The following TMEM116 variants were observed in gnomAD, a reference collection of about 807,000 sequenced individuals.
TMEM116 encodes the protein transmembrane protein 116.
Under a neutral mutation model 44.3 loss-of-function variants are expected in TMEM116, and 38 were observed. The ratio of observed to expected loss-of-function variants is 0.86; its 90% CI spans 0.66 to 1.12. The LOEUF is 1.12. Among genes scored for constraint, TMEM116 ranks in the 50% most tolerant of loss-of-function variants. The probability of loss-of-function intolerance (pLI) is 0.00; values close to 1 mark genes in which losing one functional copy is unlikely to be tolerated. For synonymous variants in TMEM116, 132 were observed against 144.8 expected (o/e 0.91, Z 0.64); for missense variants, 354 against 401.7 (o/e 0.88, Z 1.01).
Position 111,940,926 on chromosome 12 carries a change from G to A in TMEM116, c.315+2339C>T, listed in dbSNP as rs116131603. On this transcript the variant is annotated intron_variant, in intron 5 of 10. Coordinates refer to ENST00000552374, the MANE Select transcript of TMEM116 (RefSeq NM_001193531.2). Reference sequence around the variant, plus strand: ...AATAAAAACTTGAAATGCTATCCCTGTAAGGCTGCTGGACTTTTTAGACAT... The same window carrying A: ...AATAAAAACTTGAAATGCTATCCCTATAAGGCTGCTGGACTTTTTAGACAT... Among the ~76,000 whole-genome samples the A allele has an allele frequency of 2.4e-3, 367 of 152,190 alleles. 1 individual carries two copies. Among genetic ancestry groups the A allele is most frequent in the African/African-American group, 8.6e-3 (359 of 41,518 alleles).
intron 4 of TMEM116, among the ~76,000 whole-genome samples, chr12:111,983,373 C>T (rs925909737): frequency 5.9e-5 from 9 of 151,474 alleles, no homozygotes; most frequent in Admixed American, 1.3e-4. Flanking sequence ...GAGGCGGAGG[C>T]GGAGGTTGCA....
At chr12:111,977,229 A>C (rs2075717135) in intron 4 of TMEM116, among the ~76,000 whole-genome samples, 1 of 152,206 alleles carries the variant, frequency 6.6e-6, no homozygotes, top group Middle Eastern at 3.2e-3. Context: ...ACCAGTTTTA[A>C]AACCACTTTT....
chr12:111,970,773 G>T (rs1255814008), intron 4 of TMEM116, among the ~76,000 whole-genome samples: 1 of 151,648 alleles, frequency 6.6e-6, no homozygotes, highest in East Asian at 1.9e-4. Context: ...ATTTTTTAGT[G>T]GAGATGGGGT....
At chr12:111,982,520 C>T (rs755328400) in intron 4 of TMEM116, among the ~76,000 whole-genome samples, 3 of 152,182 alleles carry the variant, frequency 2.0e-5, no homozygotes, top group South Asian at 2.1e-4. Flanking sequence ...AGGCTGGTTG[C>T]GGACTCCTGA....
At chr12:111,944,449 A>C (rs2073092773) in intron 4 of TMEM116, among the ~76,000 whole-genome samples, 1 of 151,972 alleles carries the variant, frequency 6.6e-6, no homozygotes, top group Non-Finnish European at 1.5e-5. Context: ...CATGAGGTTG[A>C]GATCGAGATT....
At position 111,973,068 on chromosome 12, in the gene TMEM116, G is replaced by A. The variant is rs146692674; in HGVS notation, c.210+18690C>T. On this transcript the variant is annotated intron_variant, in intron 4 of 10. Transcript: ENST00000552374. ...CAGGAGAATTGCTTGAACCCAGGAG[G>A]TGGAGGCTGCAGTGAGCTGAGATTG... 7.9e-3 allele frequency among the ~76,000 whole-genome samples: 1,210 copies of A among 152,254 alleles called. 7 individuals are homozygous for A. Among genetic ancestry groups the A allele is most frequent in the Non-Finnish European group, 0.013 (867 of 68,026 alleles).
At position 111,936,978 on chromosome 12, in the gene TMEM116, G is replaced by A; in HGVS notation, c.450-148C>T. 3 of 1,037,794 alleles carry A rather than the reference G, an allele frequency of 2.9e-6. 1 individual carries two copies. Among genetic ancestry groups the A allele is most frequent in the Non-Finnish European group, 4.2e-6 (3 of 714,182 alleles). 64.3% of individuals were successfully genotyped at this position (1,037,794 alleles called of 1,614,324 possible). On this transcript the variant is annotated intron_variant, in intron 7 of 10. Coordinates refer to ENST00000552374, the MANE Select transcript of TMEM116 (RefSeq NM_001193531.2). The stretch of plus-strand genomic sequence containing the variant: ...CTCTCCCCCACAGACACATTATCTT[G>A]TAGTCATTTTGTGTTACACTTTTAC...
chr12:111,931,605 T>C lies in TMEM116; in HGVS notation c.*16A>G. The C allele has an allele frequency of 6.2e-7, 1 of 1,609,896 alleles. No individual in the cohort carries two copies. Among genetic ancestry groups the C allele is most frequent in the Non-Finnish European group, 8.5e-7 (1 of 1,176,194 alleles). On this transcript the variant is annotated 3_prime_UTR_variant, in exon 11 of 11. Transcript: ENST00000552374. ...GTAGAATAACTCCAGTTCCTGGATG[T>C]TCCAGTATTGTAGTTTCAAAAAATG...
intron 1 of TMEM116, among the ~76,000 whole-genome samples, chr12:112,008,441 C>G (rs1369838207): frequency 6.6e-6 from 1 of 151,244 alleles, no homozygotes; most frequent in Non-Finnish European, 1.5e-5. Context: ...GATCATGCCA[C>G]TGCACTCCAG....
chr12:111,966,848 C>G (rs1445736926), intron 4 of TMEM116, among the ~76,000 whole-genome samples: 1 of 152,164 alleles, frequency 6.6e-6, no homozygotes, highest in Non-Finnish European at 1.5e-5. Flanking sequence ...CATTTCCAAA[C>G]CAATTTTGGG....
chr12:111,962,669 A>G (rs1429799468), intron 4 of TMEM116, among the ~76,000 whole-genome samples: 26 of 152,238 alleles, frequency 1.7e-4, no homozygotes, highest in Admixed American at 1.7e-3. Context: ...TTAACTCAAG[A>G]TGGATTAAAG....
intron 4 of TMEM116, among the ~76,000 whole-genome samples, chr12:111,964,327 A>C (rs1385860817): frequency 1.3e-5 from 2 of 151,836 alleles, no homozygotes; most frequent in Non-Finnish European, 2.9e-5. Context: ...CTGTAGTCCC[A>C]GCTACTTGGG....
chr12:111,982,050 G>A (rs1236612770), intron 4 of TMEM116, among the ~76,000 whole-genome samples: 1 of 152,058 alleles, frequency 6.6e-6, no homozygotes, highest in Non-Finnish European at 1.5e-5. Context: ...AAGCATACTG[G>A]GGATACATTG....
chr12:111,978,717 C>A, intron 4 of TMEM116: 1 of 414,372 alleles, frequency 2.4e-6, no homozygotes, highest in Admixed American at 2.6e-5. Flanking sequence ...CATCTGCAAA[C>A]CAGGAAGTGG....
chr12:111,940,472 T>TACACACACACACACACAC (rs763389000), intron 5 of TMEM116, among the ~76,000 whole-genome samples: 7 of 97,578 alleles, frequency 7.2e-5, no homozygotes, highest in East Asian at 7.3e-4. Flanking sequence ...CACATATATA[T>TACACACACACACACACAC]ATATACATAC....
At chr12:111,968,992 CAAAAAAAAAAAA>C (rs1176204219) in intron 4 of TMEM116, among the ~76,000 whole-genome samples, 1 of 45,166 alleles carries the variant, frequency 2.2e-5, no homozygotes, top group African/African-American at 8.7e-5. Context: ...GACTCTATCT[CAAAAAAAAAAAA>C]AAAAAAAAAG....
chr12:111,948,823 G>A (rs2073485003), intron 4 of TMEM116, among the ~76,000 whole-genome samples: 1 of 152,034 alleles, frequency 6.6e-6, no homozygotes, highest in Non-Finnish European at 1.5e-5. Flanking sequence ...TCACACCTGT[G>A]ATTCCAATAC....
chr12:111,944,446 T>C (rs780325400), intron 4 of TMEM116, among the ~76,000 whole-genome samples: 18 of 151,778 alleles, frequency 1.2e-4, no homozygotes, highest in Non-Finnish European at 2.4e-4. Context: ...GATCATGAGG[T>C]TGAGATCGAG....
intron 4 of TMEM116, among the ~76,000 whole-genome samples, chr12:111,976,250 C>T (rs1183442148): frequency 1.3e-5 from 2 of 152,064 alleles, no homozygotes; most frequent in Admixed American, 1.3e-4. Context: ...TTGTAATCTG[C>T]CCGAGAAACC....
Sources: gnomAD v4.1 joint callset for allele counts (sites outside exome capture counted in the v4.1 genomes callset) on GRCh38, gnomAD v4.1.1 for gene constraint, MANE v1.5 for transcripts, NCBI Gene and HGNC (gene_info 2026-07-23, HGNC 2026-07-21) for gene names.